ZUP1: variants seen among roughly 807,000 people sequenced by gnomAD.
ZUP1 encodes zinc finger containing ubiquitin peptidase 1.
ZUP1 carries 55 observed loss-of-function variants against 68.1 expected under a neutral mutation model. That is an observed-to-expected ratio of 0.81 (90% confidence interval 0.65 to 1.01). The LOEUF (loss-of-function observed/expected upper bound fraction) is 1.01. Ranked by LOEUF, ZUP1 falls within the 50% of genes least tolerant of loss-of-function variation. The pLI is 0.00. For missense variants in ZUP1, 684 were observed against 674.9 expected, an observed-to-expected ratio of 1.01 and a Z score of -0.15; for synonymous variants, 223 against 221.5, an observed-to-expected ratio of 1.01 and a Z score of -0.06.
In ZUP1 at chr6:116,666,720, A is replaced by G. The variant is rs1311861093; in HGVS notation, c.473T>C (p.Phe158Ser). The change falls in exon 2 of 10, where the codon TTC becomes TCC. Residue 158 changes from phenylalanine (F) to serine (S), a missense_variant. Coordinates refer to ENST00000368576, the MANE Select transcript of ZUP1 (RefSeq NM_145062.3). Reference sequence around the variant, plus strand: ...ACTGTGCTCCTCTATTTTTCCACAGAATGGACATTCAGGAGGACTGTATGT... The same window carrying G: ...ACTGTGCTCCTCTATTTTTCCACAGGATGGACATTCAGGAGGACTGTATGT... Reference protein sequence around the residue: ...ETTYSPPECPFCGKIEEHSED... With the variant: ...ETTYSPPECPSCGKIEEHSED... 2 of 1,613,598 alleles carry G rather than the reference A, an allele frequency of 1.2e-6. No individual in the cohort carries two copies. Among genetic ancestry groups the G allele is most frequent in the Non-Finnish European group, 1.7e-6 (2 of 1,179,872 alleles).
chr6:116,638,066 C>CAAAAAA (rs11398572), intron 9 of ZUP1, among the ~76,000 whole-genome samples: 1 of 88,810 alleles, frequency 1.1e-5, no homozygotes, highest in African/African-American at 4.0e-5. Context: ...AGTCGGTCTC[C>CAAAAAA]AAAAAAAAAA....
intron 9 of ZUP1, among the ~76,000 whole-genome samples, chr6:116,643,913 A>G (rs1432909401): frequency 2.0e-5 from 3 of 152,124 alleles, no homozygotes; most frequent in Admixed American, 6.6e-5. Context: ...CCTACAAAAT[A>G]GGAGAAAATT....
intron 7 of ZUP1, among the ~76,000 whole-genome samples, chr6:116,648,778 A>G (rs1169774105): frequency 6.6e-6 from 1 of 151,944 alleles, no homozygotes. Context: ...CCTGGACAAC[A>G]TGGCGAAACC....
chr6:116,640,856 A>G (rs2115380352), intron 9 of ZUP1, among the ~76,000 whole-genome samples: 1 of 151,060 alleles, frequency 6.6e-6, no homozygotes, highest in East Asian at 1.9e-4. Flanking sequence ...TTTAAATGTA[A>G]ATGGACTAAA....
At chr6:116,656,423 A>C (rs1411562617) in intron 5 of ZUP1, among the ~76,000 whole-genome samples, 2 of 152,148 alleles carry the variant, frequency 1.3e-5, no homozygotes, top group African/African-American at 4.8e-5. Context: ...GGAAATTTAA[A>C]ATTATATATG....
chr6:116,653,975 T>C (rs1379486972), intron 5 of ZUP1, among the ~76,000 whole-genome samples: 1 of 152,060 alleles, frequency 6.6e-6, no homozygotes, highest in Non-Finnish European at 1.5e-5. Context: ...TATATTCTGT[T>C]GTTAAAATTA....
In ZUP1 at chr6:116,651,576, C is replaced by G. The variant is rs1190261553; in HGVS notation, c.1312G>C (p.Val438Leu). The G allele has an allele frequency of 3.1e-6, 5 of 1,608,674 alleles. No individual in the cohort carries two copies. In the East Asian group the frequency reaches 6.7e-5, roughly 22 times the overall value. ...EVYILLTSLR[V>L]KCHIVDFHKS... is the part of the protein sequence containing the mutation. ...TTTAGGTTTTAAGGTACATACTTTA[C>G]CCTTAGGGAGGTCAGGAGTATATAT... The change falls in exon 7 of 10, where the codon GTA becomes CTA. Residue 438 changes from valine to leucine, a missense_variant. Val to Leu is a conservative substitution (Grantham distance 32, BLOSUM62 1). Coordinates refer to ENST00000368576, the MANE Select transcript of ZUP1 (RefSeq NM_145062.3).
intron 4 of ZUP1, among the ~76,000 whole-genome samples, chr6:116,657,720 C>T (rs1313253803): frequency 2.0e-5 from 3 of 152,210 alleles, no homozygotes; most frequent in Non-Finnish European, 2.9e-5. Flanking sequence ...TAACTGAACA[C>T]TTTCAAACCT....
At chr6:116,668,350 C>T (rs747889428) in intron 1 of ZUP1, among the ~76,000 whole-genome samples, 4 of 152,098 alleles carry the variant, frequency 2.6e-5, no homozygotes, top group Non-Finnish European at 4.4e-5. Flanking sequence ...GGGTAAGAGA[C>T]AAGAGAGTAC....
intron 9 of ZUP1, among the ~76,000 whole-genome samples, chr6:116,643,510 T>A (rs971159791): frequency 5.3e-5 from 8 of 152,036 alleles, no homozygotes; most frequent in African/African-American, 1.4e-4. Context: ...ATGGAACAGA[T>A]CAGAGCCCTC....
chr6:116,638,233 T>C (rs372357794), intron 9 of ZUP1, among the ~76,000 whole-genome samples: 3 of 152,310 alleles, frequency 2.0e-5, no homozygotes, highest in Middle Eastern at 3.4e-3. Flanking sequence ...TAGAGGGAAA[T>C]AAATCAATGT....
chr6:116,651,657 A>G lies in ZUP1; in HGVS notation c.1231T>C (p.Ser411Pro), dbSNP rs764632548. Reference sequence around the variant, plus strand: ...CCCTGTAACCTGTTATTAAGTTGAGAGGCCCCCTGAGGATCAAAACCTTCC... The same window carrying G: ...CCCTGTAACCTGTTATTAAGTTGAGGGGCCCCCTGAGGATCAAAACCTTCC... ...WKEGFDPQGA[S>P]QLNNRLQGTK... The change falls in exon 7 of 10, where the codon TCT becomes CCT. Residue 411 changes from serine to proline, a missense_variant. By Grantham distance (74) the Ser-to-Pro change is moderately conservative (BLOSUM62 -1). Transcript: ENST00000368576. 1.2e-6 allele frequency: 2 copies of G among 1,613,864 alleles called. No homozygotes were observed. The highest frequency in any genetic ancestry group is 1.7e-6 in the Non-Finnish European group (2 of 1,179,824).
At chr6:116,646,384 C>T (rs1208281905) in intron 8 of ZUP1, 1 of 154,370 alleles carries the variant, frequency 6.5e-6, no homozygotes, top group Non-Finnish European at 1.4e-5. Flanking sequence ...CTGTTTATTC[C>T]TGTCAATCCA....
intron 2 of ZUP1, among the ~76,000 whole-genome samples, chr6:116,665,010 T>C (rs1351925214): frequency 6.6e-6 from 1 of 151,828 alleles, no homozygotes; most frequent in Non-Finnish European, 1.5e-5. Context: ...TTTTAGACAA[T>C]ACATAGAAAA....
intron 9 of ZUP1, among the ~76,000 whole-genome samples, chr6:116,643,619 A>G (rs59278179): frequency 0.14 from 21,934 of 152,194 alleles, 2,992 homozygotes; most frequent in African/African-American, 0.35. Flanking sequence ...TGGTGCTGGG[A>G]AAACTGGCTG....
chr6:116,647,517 T>C lies in ZUP1; in HGVS notation c.1410A>G (p.Gly470=). 1 of 1,601,030 alleles carries C rather than the reference T, an allele frequency of 6.2e-7. No homozygotes were observed. Among genetic ancestry groups the C allele is most frequent in the Non-Finnish European group, 8.5e-7 (1 of 1,171,160 alleles). ...TACACACTACCTTTGGACTCCCTTC[T>C]CCCTCTGAAGAATAATAGTTCAATA... is the stretch of plus-strand genomic sequence containing the variant. ...EWILNYYSSE[G]EGSPKVVCTS... Residue 470 remains glycine (G), a synonymous_variant, in exon 8 of 10, where the codon GGA becomes GGG. Coordinates refer to ENST00000368576, the MANE Select transcript of ZUP1 (RefSeq NM_145062.3).
intron 3 of ZUP1, chr6:116,660,141 C>G (rs1477785322): frequency 6.6e-6 from 1 of 152,232 alleles, no homozygotes; most frequent in Non-Finnish European, 1.5e-5. Context: ...GGTGAGTGAG[C>G]AGTAACATTG....
In ZUP1 at chr6:116,668,604, A is replaced by G. The variant is rs73765829; in HGVS notation, c.-54T>C. Reference sequence around the variant, plus strand: ...AGCAGCTGCCACACTGAGCTCCGCTAGGCTTCCCCTTTGGGCCTCGCTGGC... The same window carrying G: ...AGCAGCTGCCACACTGAGCTCCGCTGGGCTTCCCCTTTGGGCCTCGCTGGC... On this transcript the variant is annotated 5_prime_UTR_variant, in exon 1 of 10. Transcript: ENST00000368576. 0.033 allele frequency: 5,098 copies of G among 152,784 alleles called. 250 individuals are homozygous for G. The highest frequency in any genetic ancestry group is 0.11 in the African/African-American group (4,502 of 41,576). The allele number at this position is 152,784 out of a possible 1,614,324, so 9.5% of individuals were successfully genotyped here.
intron 7 of ZUP1, 68 bp downstream of exon 7, chr6:116,651,504 A>T: frequency 7.2e-7 from 1 of 1,393,714 alleles, no homozygotes. Flanking sequence ...TTTGCTAAAA[A>T]ATAAAATTTT....
Sources: gnomAD v4.1 joint callset for allele counts (sites outside exome capture counted in the v4.1 genomes callset) on GRCh38, gnomAD v4.1.1 for gene constraint, MANE v1.5 for transcripts, NCBI Gene and HGNC (gene_info 2026-07-23, HGNC 2026-07-21) for gene names.